PARN: variants seen among roughly 807,000 people sequenced by gnomAD.
PARN encodes poly(A)-specific ribonuclease.
A neutral mutation model predicts 102.8 loss-of-function variants in PARN; 71 were observed. The ratio of observed to expected loss-of-function variants is 0.69; its 90% CI spans 0.57 to 0.84. The LOEUF is 0.84. Among genes scored for constraint, PARN ranks in the 40% least tolerant of loss-of-function variants. PARN has a pLI of 0.00. For synonymous variants in PARN, 261 were observed against 252.9 expected (o/e 1.03, Z -0.30); for missense variants, 782 against 760.9 (o/e 1.03, Z -0.33).
At chr16:14,581,343 C>T (rs1471888497) in intron 17 of PARN, among the ~76,000 whole-genome samples, 2 of 152,108 alleles carry the variant, frequency 1.3e-5, no homozygotes, top group East Asian at 1.9e-4. Context: ...TAAGCCACTG[C>T]GCCCGGCCTG....
At chr16:14,462,631 C>A (rs1195393743) in intron 22 of PARN, among the ~76,000 whole-genome samples, 1 of 149,862 alleles carries the variant, frequency 6.7e-6, no homozygotes, top group Non-Finnish European at 1.5e-5. Context: ...CCAGAAAGGC[C>A]CAGATTGAGA....
intron 12 of PARN, among the ~76,000 whole-genome samples, chr16:14,597,103 G>C (rs1970568627): frequency 6.6e-6 from 1 of 151,860 alleles, no homozygotes; most frequent in African/African-American, 2.4e-5. Context: ...TTTCTTTATA[G>C]AAGAATTCCA....
In PARN at chr16:14,551,022, T is replaced by C. The variant is rs1341049934; in HGVS notation, c.1480+999A>G. On this transcript the variant is annotated intron_variant, in intron 21 of 23. Transcript: ENST00000437198. Reference sequence around the variant, plus strand: ...GTCGCCCAGGCCAGAGTGCAGTGGGTGCGGATGTTGGCTCACTGCAACCTC... The same window carrying C: ...GTCGCCCAGGCCAGAGTGCAGTGGGCGCGGATGTTGGCTCACTGCAACCTC... 4.0e-5 allele frequency among the ~76,000 whole-genome samples: 6 copies of C among 151,722 alleles called. No individual in the cohort carries two copies. In the South Asian group the frequency reaches 1.0e-3, roughly 26 times the overall value.
chr16:14,542,059 C>T (rs1484994565), intron 21 of PARN, among the ~76,000 whole-genome samples: 7 of 151,696 alleles, frequency 4.6e-5, no homozygotes, highest in Non-Finnish European at 5.9e-5. Flanking sequence ...GGCTGGAGTG[C>T]AGTGGCGTGA....
At chr16:14,443,775 G>A (rs901956111) in intron 23 of PARN, among the ~76,000 whole-genome samples, 3 of 152,192 alleles carry the variant, frequency 2.0e-5, no homozygotes, top group African/African-American at 7.2e-5. Flanking sequence ...CCCACAGGTA[G>A]TGCCCTTTTA....
intron 9 of PARN, among the ~76,000 whole-genome samples, chr16:14,607,321 C>A (rs1971251554): frequency 6.6e-6 from 1 of 152,122 alleles, no homozygotes; most frequent in Admixed American, 6.6e-5. Flanking sequence ...GATGCTCCTG[C>A]CTTTGCCTCC....
Position 14,623,066 on chromosome 16 carries a change from TG to T in PARN, c.327+4039del, listed in dbSNP as rs202189247. Among the ~76,000 whole-genome samples the T allele has an allele frequency of 8.9e-3, 1,333 of 150,110 alleles. 22 individuals are homozygous for T. The highest frequency in any genetic ancestry group is 0.031 in the African/African-American group (1,254 of 40,666). ...CTGCAGTGAGCCATGACAACATCAC[TG>T]CACTCTAGCCTTGGTGACAGAGACT... On this transcript the variant is annotated intron_variant, in intron 5 of 23. Transcript: ENST00000437198.
At chr16:14,533,621 C>T (rs1287992665) in intron 21 of PARN, among the ~76,000 whole-genome samples, 1 of 152,182 alleles carries the variant, frequency 6.6e-6, no homozygotes, top group African/African-American at 2.4e-5. Flanking sequence ...GTGCTGGTCC[C>T]ACAATCCACC....
chr16:14,625,910 T>C lies in PARN; in HGVS notation c.327+1196A>G, dbSNP rs898581538. Among the ~76,000 whole-genome samples, 4 of 152,184 alleles carry C rather than the reference T, an allele frequency of 2.6e-5. No homozygotes were observed. The South Asian group carries it at 6.2e-4, about 24-fold the overall frequency. On this transcript the variant is annotated intron_variant, in intron 5 of 23. Coordinates refer to ENST00000437198, the MANE Select transcript of PARN (RefSeq NM_002582.4). ...AGATTAAGACTTATCTTTAATCACA[T>C]AGCCACACAACCATACCCCTTACTC...
chr16:14,573,723 A>C (rs773330389), intron 18 of PARN, among the ~76,000 whole-genome samples: 23 of 152,184 alleles, frequency 1.5e-4, no homozygotes, highest in Non-Finnish European at 2.9e-4. Context: ...TTTGATAGTG[A>C]GTGAGTCTCA....
In PARN at chr16:14,555,841, T is replaced by C. The variant is rs569032535; in HGVS notation, c.1263-132A>G. ...TATATCTTTTGTAGAAGATCCTTGATATCACTCTATTTGTAAAATTATTTC... is the reference window on the plus strand; with the variant it reads ...TATATCTTTTGTAGAAGATCCTTGACATCACTCTATTTGTAAAATTATTTC... On this transcript the variant is annotated intron_variant, in intron 18 of 23. Coordinates refer to ENST00000437198, the MANE Select transcript of PARN (RefSeq NM_002582.4). 2.3e-5 allele frequency: 11 copies of C among 483,196 alleles called. No homozygotes were observed. In the South Asian group the frequency reaches 4.9e-4, roughly 22 times the overall value. 29.9% of individuals were successfully genotyped at this position (483,196 alleles called of 1,614,324 possible).
chr16:14,620,905 TTTTTC>T (rs1365125229), intron 5 of PARN, among the ~76,000 whole-genome samples: 1 of 152,230 alleles, frequency 6.6e-6, no homozygotes, highest in Non-Finnish European at 1.5e-5. Flanking sequence ...GATTGTATCA[TTTTTC>T]TTTTCTTTCA....
chr16:14,615,658 T>TA (rs1971847778), intron 6 of PARN, among the ~76,000 whole-genome samples: 3 of 152,150 alleles, frequency 2.0e-5, no homozygotes, highest in Admixed American at 1.3e-4. Context: ...CCCAGCACTT[T>TA]AAGAGGCAAA....
At chr16:14,520,581 C>T (rs1965685344) in intron 21 of PARN, among the ~76,000 whole-genome samples, 1 of 152,002 alleles carries the variant, frequency 6.6e-6, no homozygotes, top group South Asian at 2.1e-4. Flanking sequence ...CACCTGTAGT[C>T]CCAACTACTA....
At chr16:14,539,753 G>A (rs1966770242) in intron 21 of PARN, among the ~76,000 whole-genome samples, 1 of 152,190 alleles carries the variant, frequency 6.6e-6, no homozygotes, top group African/African-American at 2.4e-5. Flanking sequence ...AGCCACTGTT[G>A]TAAAAATCTT....
intron 6 of PARN, among the ~76,000 whole-genome samples, chr16:14,617,311 G>A (rs538629449): frequency 3.4e-5 from 5 of 148,758 alleles, no homozygotes; most frequent in African/African-American, 9.9e-5. Context: ...GTGAAACTGG[G>A]AGGCAGAGCT....
At chr16:14,597,283 ATAAAGT>A (rs1308313527) in intron 12 of PARN, among the ~76,000 whole-genome samples, 12 of 152,352 alleles carry the variant, frequency 7.9e-5, no homozygotes, top group African/African-American at 1.4e-4. Flanking sequence ...TTCATAAACT[ATAAAGT>A]TAAACTATAT....
intron 5 of PARN, among the ~76,000 whole-genome samples, chr16:14,626,454 G>A (rs1193742198): frequency 6.6e-6 from 1 of 152,134 alleles, no homozygotes; most frequent in East Asian, 1.9e-4. Flanking sequence ...CAGCCAAGAA[G>A]CCTGCAAGTC....
rs139746712 is a variant in PARN at position 14,609,242 on chromosome 16, C to T, written c.555-119G>A. 3.7e-4 allele frequency: 218 copies of T among 583,984 alleles called. No homozygotes were observed. In the African/African-American group the frequency reaches 3.8e-3, roughly 10 times the overall value. The allele number at this position is 583,984 out of a possible 1,614,324, so 36.2% of individuals were successfully genotyped here. Reference sequence around the variant, plus strand: ...AAGAACATGTGACAATGTAATTCTACCAAATTACCCTAGAAATTTTAGTTC... The same window carrying T: ...AAGAACATGTGACAATGTAATTCTATCAAATTACCCTAGAAATTTTAGTTC... On this transcript the variant is annotated intron_variant, in intron 7 of 23. Transcript: ENST00000437198.
Sources: gnomAD v4.1 joint callset for allele counts (sites outside exome capture counted in the v4.1 genomes callset) on GRCh38, gnomAD v4.1.1 for gene constraint, MANE v1.5 for transcripts, NCBI Gene and HGNC (gene_info 2026-07-23, HGNC 2026-07-21) for gene names.